NCKAP5: variants seen among roughly 807,000 people sequenced by gnomAD.
NCKAP5 encodes the protein NCK associated protein 5.
NCKAP5 carries 92 observed loss-of-function variants against 167.0 expected under a neutral mutation model. The ratio of observed to expected loss-of-function variants is 0.55; its 90% confidence interval spans 0.47 to 0.66. The LOEUF (loss-of-function observed/expected upper bound fraction) is 0.66, where lower values mean the gene tolerates loss of function less well. NCKAP5 is among the 30% of genes least tolerant of loss of function. The probability of loss-of-function intolerance (pLI) is 0.00; values close to 1 mark genes in which losing one functional copy is unlikely to be tolerated. For synonymous variants in NCKAP5, 891 were observed against 877.4 expected (o/e 1.02, Z -0.27); for missense variants, 2,378 against 2,315.0 (o/e 1.03, Z -0.56).
chr2:133,653,124 A>G, the NCKAP5 span, among the ~76,000 whole-genome samples: 1 of 152,300 alleles, frequency 6.6e-6, no homozygotes, highest in African/African-American at 2.4e-5. Context: ...TCTGCCTGCA[A>G]CTTGTGCATC....
chr2:132,859,954 A>C (rs1445177476), intron 11 of NCKAP5, among the ~76,000 whole-genome samples: 1 of 151,938 alleles, frequency 6.6e-6, no homozygotes, highest in East Asian at 1.9e-4. Flanking sequence ...AAGGCAAGTA[A>C]AAAAAAATAG....
At chr2:133,546,249 GA>G (rs1342927376) in intron 2 of NCKAP5, among the ~76,000 whole-genome samples, 14 of 152,178 alleles carry the variant, frequency 9.2e-5, no homozygotes, top group African/African-American at 3.1e-4. Context: ...GTATCTGAGT[GA>G]ACAGATTTGC....
At chr2:133,494,700 T>A (rs565160501) in intron 3 of NCKAP5, among the ~76,000 whole-genome samples, 7 of 152,170 alleles carry the variant, frequency 4.6e-5, no homozygotes, top group South Asian at 2.1e-4. Context: ...ATGTTAAGAC[T>A]GATAAAATAG....
the NCKAP5 span, among the ~76,000 whole-genome samples, chr2:133,575,116 G>A: frequency 2.2e-3 from 331 of 152,328 alleles, 2 homozygotes; most frequent in African/African-American, 7.4e-3. Flanking sequence ...TTGGAGAAAT[G>A]GTCATTTGTC....
At chr2:133,500,293 C>T (rs1019810375) in intron 3 of NCKAP5, among the ~76,000 whole-genome samples, 1 of 152,210 alleles carries the variant, frequency 6.6e-6, no homozygotes, top group East Asian at 1.9e-4. Flanking sequence ...TACCTCAAAT[C>T]TGCCAAATCA....
At chr2:133,235,284 TC>T (rs1248389694) in intron 4 of NCKAP5, among the ~76,000 whole-genome samples, 1 of 152,012 alleles carries the variant, frequency 6.6e-6, no homozygotes, top group East Asian at 1.9e-4. Context: ...ATGTGCACAT[TC>T]CAAACTGAGG....
intron 6 of NCKAP5, among the ~76,000 whole-genome samples, chr2:133,012,020 T>A (rs911522318): frequency 4.6e-5 from 7 of 152,168 alleles, no homozygotes; most frequent in Non-Finnish European, 1.0e-4. Flanking sequence ...GCTGTTTTTA[T>A]CTCTCCACCG....
At chr2:132,688,016 AC>A (rs1686193130) in intron 19 of NCKAP5, among the ~76,000 whole-genome samples, 1 of 152,040 alleles carries the variant, frequency 6.6e-6, no homozygotes, top group Admixed American at 6.6e-5. Context: ...TGCTCCTGCA[AC>A]TCTGAACGAC....
intron 6 of NCKAP5, chr2:133,117,540 T>C (rs1407349713): frequency 6.6e-6 from 1 of 152,210 alleles, no homozygotes; most frequent in African/African-American, 2.4e-5. Context: ...AAAGTCTGGG[T>C]CTGCAGAATC....
intron 3 of NCKAP5, among the ~76,000 whole-genome samples, chr2:133,359,960 C>T (rs145208527): frequency 1.0e-3 from 157 of 152,196 alleles, no homozygotes; most frequent in Non-Finnish European, 1.8e-3. Context: ...TGGCATTAGT[C>T]AAAGGCAATT....
At chr2:133,025,600 C>T (rs191070381) in intron 6 of NCKAP5, among the ~76,000 whole-genome samples, 3 of 152,276 alleles carry the variant, frequency 2.0e-5, no homozygotes, top group Non-Finnish European at 4.4e-5. Flanking sequence ...ATGGCATCAA[C>T]ACTCCACTAA....
At chr2:133,526,193 A>AAGG (rs1339241406) in intron 2 of NCKAP5, among the ~76,000 whole-genome samples, 1 of 131,146 alleles carries the variant, frequency 7.6e-6, no homozygotes, top group East Asian at 2.4e-4. Flanking sequence ...GGAAGGAAGG[A>AAGG]AGGAAGGAAG....
intron 8 of NCKAP5, among the ~76,000 whole-genome samples, chr2:132,890,131 C>G (rs191121803): frequency 6.6e-6 from 1 of 152,158 alleles, no homozygotes; most frequent in South Asian, 2.1e-4. Context: ...AGGTATTTCT[C>G]TAAAATACCA....
At chr2:132,846,379 A>G (rs1688663161) in intron 11 of NCKAP5, among the ~76,000 whole-genome samples, 1 of 151,920 alleles carries the variant, frequency 6.6e-6, no homozygotes, top group African/African-American at 2.4e-5. Context: ...ATTTCGGCTC[A>G]TTGCAGCCTC....
intron 3 of NCKAP5, among the ~76,000 whole-genome samples, chr2:133,320,386 C>T (rs1222702939): frequency 6.6e-6 from 1 of 152,194 alleles, no homozygotes; most frequent in Non-Finnish European, 1.5e-5. Context: ...TCTAGACCTC[C>T]TCTCGCTGTC....
At chr2:133,473,186 G>A (rs999572679) in intron 3 of NCKAP5, among the ~76,000 whole-genome samples, 4 of 152,078 alleles carry the variant, frequency 2.6e-5, no homozygotes, top group Non-Finnish European at 2.9e-5. Context: ...ACAAAAATTA[G>A]CCAGGCCTAG....
intron 8 of NCKAP5, among the ~76,000 whole-genome samples, chr2:132,911,941 G>A (rs1303224124): frequency 6.6e-6 from 1 of 151,918 alleles, no homozygotes; most frequent in African/African-American, 2.4e-5. Context: ...TCTTGCTGGT[G>A]GTTGGAGGCA....
chr2:133,581,581 T>C, the NCKAP5 span, among the ~76,000 whole-genome samples: 1 of 152,200 alleles, frequency 6.6e-6, no homozygotes, highest in Non-Finnish European at 1.5e-5. Context: ...GGCCCAATCA[T>C]GTGTTTGGAT....
At chr2:133,019,901 T>C (rs2078466891) in intron 6 of NCKAP5, among the ~76,000 whole-genome samples, 1 of 152,202 alleles carries the variant, frequency 6.6e-6, no homozygotes, top group African/African-American at 2.4e-5. Context: ...CCTGTGTGGG[T>C]CGGAGCCTGC....
Sources: allele counts gnomAD v4.1 joint callset (sites outside exome capture counted in the v4.1 genomes callset), GRCh38; gene constraint gnomAD v4.1.1; transcripts MANE v1.5; gene names NCBI Gene and HGNC (gene_info 2026-07-23, HGNC 2026-07-21).